The following TCF4 variants were observed in gnomAD, a reference collection of about 807,000 sequenced individuals.
TCF4 encodes the protein SL3-3 enhancer factor 2.
A neutral mutation model predicts 82.1 loss-of-function variants in TCF4; 3 were observed. The ratio of observed to expected loss-of-function variants is 0.04; its 90% CI spans 0.02 to 0.09. TCF4 has a LOEUF of 0.09. Among genes scored for constraint, TCF4 ranks in the 10% least tolerant of loss-of-function variants. The pLI, the probability that TCF4 is intolerant of heterozygous loss-of-function variation, is 1.00. For missense variants in TCF4, 518 were observed against 852.7 expected (o/e 0.61, Z 4.89); for synonymous variants, 276 against 309.6 (o/e 0.89, Z 1.14).
intron 3 of TCF4, among the ~76,000 whole-genome samples, chr18:55,559,415 A>T (rs1195377197): frequency 2.0e-5 from 3 of 152,156 alleles, no homozygotes; most frequent in Non-Finnish European, 2.9e-5. Flanking sequence ...AAGTGCACTT[A>T]TAAACACGGA....
chr18:55,631,635 T>C (rs191901778), intron 1 of TCF4, among the ~76,000 whole-genome samples: 4 of 152,218 alleles, frequency 2.6e-5, no homozygotes, highest in East Asian at 1.9e-4. Context: ...AAAAGGGAAA[T>C]TGACGCATGT....
intron 3 of TCF4, among the ~76,000 whole-genome samples, chr18:55,466,523 G>A (rs2096024115): frequency 1.3e-5 from 2 of 152,062 alleles, no homozygotes; most frequent in Non-Finnish European, 2.9e-5. Context: ...TATTTTTGGT[G>A]TTCTGACCCC....
rs190698694 is a variant in TCF4 at position 55,446,844 on chromosome 18, G to A, written c.304+14175C>T. Among the ~76,000 whole-genome samples the A allele has an allele frequency of 1.4e-3, 213 of 152,048 alleles. 1 individual carries two copies. Among genetic ancestry groups the A allele is most frequent in the African/African-American group, 5.0e-3 (207 of 41,498 alleles). The stretch of plus-strand genomic sequence containing the variant: ...CTAAAAACACACAAAAAATTAGCTG[G>A]GCGTGGTGGTAGATGCCTGTAGTCC... On this transcript the variant is annotated intron_variant, in intron 5 of 19. Coordinates refer to ENST00000354452, the MANE Select transcript of TCF4 (RefSeq NM_001083962.2).
At chr18:55,447,555 A>G (rs2095548037) in intron 5 of TCF4, among the ~76,000 whole-genome samples, 1 of 152,220 alleles carries the variant, frequency 6.6e-6, no homozygotes, top group Admixed American at 6.5e-5. Flanking sequence ...GAATGACTGT[A>G]CGAACCAAAG....
At chr18:55,295,495 A>G (rs2146745628) in intron 8 of TCF4, among the ~76,000 whole-genome samples, 1 of 152,258 alleles carries the variant, frequency 6.6e-6, no homozygotes, top group Non-Finnish European at 1.5e-5. Flanking sequence ...AACATCTGAC[A>G]CTGTTGACAA....
At chr18:55,350,007 C>CGATATATAATA (rs2081998741) in intron 8 of TCF4, among the ~76,000 whole-genome samples, 1 of 152,108 alleles carries the variant, frequency 6.6e-6, no homozygotes, top group African/African-American at 2.4e-5. Context: ...CATGCAAATC[C>CGATATATAATA]ATAAATCATC....
chr18:55,562,523 G>C (rs755169893), intron 3 of TCF4, among the ~76,000 whole-genome samples: 3 of 152,152 alleles, frequency 2.0e-5, no homozygotes, highest in African/African-American at 4.8e-5. Flanking sequence ...TTCTGGACAA[G>C]AAGTTAGTTC....
intron 5 of TCF4, among the ~76,000 whole-genome samples, chr18:55,429,203 G>A (rs2095098114): frequency 6.6e-6 from 1 of 152,214 alleles, no homozygotes; most frequent in African/African-American, 2.4e-5. Flanking sequence ...ACCTCACCTA[G>A]TAGTTGAATC....
In TCF4 at chr18:55,511,330, T is replaced by TAAAAA. The variant is rs751932079; in HGVS notation, c.146-47194_146-47193insTTTTT. Among the ~76,000 whole-genome samples, 55 of 73,070 alleles carry TAAAAA rather than the reference T, an allele frequency of 7.5e-4. 2 individuals are homozygous for TAAAAA. The highest frequency in any genetic ancestry group is 1.7e-3 in the Admixed American group (11 of 6,604). 47.9% of individuals were successfully genotyped at this position (73,070 alleles called of 152,430 possible). A position where few individuals can be genotyped will look rare whatever the true frequency, so the allele number is the denominator to read the frequency against. ...TAGGTAATAGAGTAATTCCAAAAGTTTAAAAAAAAAAAAAAAAAAAGCATT... is the reference window on the plus strand; with the variant it reads ...TAGGTAATAGAGTAATTCCAAAAGTTAAAAATAAAAAAAAAAAAAAAAAAAGCATT... On this transcript the variant is annotated intron_variant, in intron 3 of 19. Coordinates refer to ENST00000354452, the MANE Select transcript of TCF4 (RefSeq NM_001083962.2).
At chr18:55,268,100 G>T (rs1237080685) in intron 11 of TCF4, 1 of 152,098 alleles carries the variant, frequency 6.6e-6, no homozygotes, top group Non-Finnish European at 1.5e-5. Flanking sequence ...CCAAGTCATA[G>T]TGCCTCTCTC....
intron 3 of TCF4, among the ~76,000 whole-genome samples, chr18:55,554,940 C>A (rs1603622725): frequency 6.6e-6 from 1 of 152,334 alleles, no homozygotes; most frequent in Non-Finnish European, 1.5e-5. Context: ...CAGGGATCAA[C>A]AGCAGGCTTT....
chr18:55,297,147 GTTTTTTTTTTTTTT>G (rs35268463), intron 8 of TCF4, among the ~76,000 whole-genome samples: 1 of 64,250 alleles, frequency 1.6e-5, no homozygotes, highest in East Asian at 4.6e-4. Context: ...TTTCTTTGAG[GTTTTTTTTTTTTTT>G]TTTTTTTTTA....
At position 55,560,666 on chromosome 18, in the gene TCF4, C is replaced by T. The variant is rs183863110; in HGVS notation, c.145+24614G>A. On this transcript the variant is annotated intron_variant, in intron 3 of 19. Transcript: ENST00000354452. ...ATCTCTTTGAGGAAATTATAAATAA[C>T]AGTATGGCACAATCTCATATACTCC... Among the ~76,000 whole-genome samples, 112 of 152,268 alleles carry T rather than the reference C, an allele frequency of 7.4e-4. 1 individual carries two copies. Among genetic ancestry groups the T allele is most frequent in the African/African-American group, 2.6e-3 (110 of 41,544 alleles).
chr18:55,440,750 G>T (rs1427717410), intron 5 of TCF4, among the ~76,000 whole-genome samples: 1 of 152,142 alleles, frequency 6.6e-6, no homozygotes, highest in East Asian at 1.9e-4. Context: ...TATAACACTT[G>T]ATGTCAACTG....
chr18:55,239,707 C>T (rs1351473859), intron 15 of TCF4, among the ~76,000 whole-genome samples: 5 of 152,196 alleles, frequency 3.3e-5, no homozygotes, highest in Admixed American at 1.3e-4. Flanking sequence ...CCAACATAAA[C>T]AGATTTAAAA....
At chr18:55,480,296 A>AAGG (rs1568175293) in intron 3 of TCF4, among the ~76,000 whole-genome samples, 7 of 63,354 alleles carry the variant, frequency 1.1e-4, no homozygotes, top group Admixed American at 2.1e-4. Context: ...AAAAAAAAAA[A>AAGG]GCGGGGGGGC....
chr18:55,244,758 G>A (rs1193285193), intron 15 of TCF4, among the ~76,000 whole-genome samples: 1 of 152,142 alleles, frequency 6.6e-6, no homozygotes, highest in East Asian at 1.9e-4. Flanking sequence ...CTAGACTACA[G>A]GGGGAAAATT....
chr18:55,613,475 T>A (rs908122632), intron 2 of TCF4, among the ~76,000 whole-genome samples: 33 of 152,324 alleles, frequency 2.2e-4, no homozygotes, highest in Non-Finnish European at 2.8e-4. Context: ...CATTCCTTTT[T>A]ATTGCTGGGT....
At chr18:55,621,801 GTTATATTATATA>G (rs2097720570) in intron 2 of TCF4, among the ~76,000 whole-genome samples, 2 of 87,628 alleles carry the variant, frequency 2.3e-5, no homozygotes, top group African/African-American at 9.4e-5. Context: ...TATATTATAT[GTTATATTATATA>G]TTATATTATA....
Sources: allele counts gnomAD v4.1 joint callset (sites outside exome capture counted in the v4.1 genomes callset), GRCh38; gene constraint gnomAD v4.1.1; transcripts MANE v1.5; gene names NCBI Gene and HGNC (gene_info 2026-07-23, HGNC 2026-07-21).